STIM1: variants seen among roughly 807,000 people sequenced by gnomAD.
STIM1 encodes stromal interaction molecule 1.
STIM1 carries 25 observed loss-of-function variants against 74.7 expected under a neutral mutation model. That is an observed-to-expected ratio of 0.33 (90% CI 0.24 to 0.47). The LOEUF (loss-of-function observed/expected upper bound fraction) is 0.47. Among genes scored for constraint, STIM1 ranks in the 20% least tolerant of loss-of-function variants. The probability of loss-of-function intolerance (pLI) is 1.00; values close to 1 mark genes in which losing one functional copy is unlikely to be tolerated. For synonymous variants in STIM1, 328 were observed against 348.8 expected, an observed-to-expected ratio of 0.94 and a Z score of 0.66; for missense variants, 728 against 920.8, an observed-to-expected ratio of 0.79 and a Z score of 2.71.
At chr11:3,956,890 C>T (rs1427098629) in intron 1 of STIM1, among the ~76,000 whole-genome samples, 5 of 143,100 alleles carry the variant, frequency 3.5e-5, no homozygotes, top group East Asian at 2.1e-4. Context: ...TTAGGGAAAG[C>T]GAAGATTTAT....
intron 2 of STIM1, among the ~76,000 whole-genome samples, chr11:4,008,180 T>C (rs2093801432): frequency 6.6e-6 from 1 of 152,192 alleles, no homozygotes; most frequent in South Asian, 2.1e-4. Flanking sequence ...CACAAATACT[T>C]ACTACTGTGT....
At chr11:3,904,735 G>A (rs567736044) in intron 1 of STIM1, among the ~76,000 whole-genome samples, 1 of 152,174 alleles carries the variant, frequency 6.6e-6, no homozygotes, top group South Asian at 2.1e-4. Context: ...TAGGTGACTG[G>A]GCATTACTGT....
At chr11:4,021,300 A>G (rs890333395) in intron 2 of STIM1, among the ~76,000 whole-genome samples, 2 of 151,894 alleles carry the variant, frequency 1.3e-5, no homozygotes, top group Non-Finnish European at 2.9e-5. Flanking sequence ...TAATTTTTGT[A>G]TTTTTAGTAG....
At chr11:3,898,161 C>T (rs1421817222) in intron 1 of STIM1, among the ~76,000 whole-genome samples, 1 of 151,424 alleles carries the variant, frequency 6.6e-6, no homozygotes, top group Non-Finnish European at 1.5e-5. Flanking sequence ...TTCTCCACAT[C>T]CTCTCCAGCA....
chr11:3,958,634 T>G (rs2093247440), intron 1 of STIM1, among the ~76,000 whole-genome samples: 2 of 152,172 alleles, frequency 1.3e-5, no homozygotes, highest in Non-Finnish European at 2.9e-5. Flanking sequence ...GGGACCTTTC[T>G]TGGATAACTC....
At chr11:4,049,357 C>T (rs2094219617) in intron 3 of STIM1, among the ~76,000 whole-genome samples, 1 of 146,932 alleles carries the variant, frequency 6.8e-6, no homozygotes, top group African/African-American at 2.5e-5. Context: ...CAGGCTCTCA[C>T]TCTGTTGCCC....
chr11:4,014,845 C>A (rs1404610818), intron 2 of STIM1, among the ~76,000 whole-genome samples: 1 of 152,128 alleles, frequency 6.6e-6, no homozygotes, highest in Non-Finnish European at 1.5e-5. Flanking sequence ...GGTTTAAAGT[C>A]TGTTTTATCA....
intron 1 of STIM1, among the ~76,000 whole-genome samples, chr11:3,887,623 G>T (rs2091757400): frequency 6.6e-6 from 1 of 152,096 alleles, no homozygotes. Context: ...GCTACTTTTG[G>T]GGTATGGCTG....
At chr11:3,971,257 C>T (rs1306379233) in intron 2 of STIM1, among the ~76,000 whole-genome samples, 4 of 150,480 alleles carry the variant, frequency 2.7e-5, no homozygotes, top group South Asian at 2.1e-4. Context: ...GGGCCGGGCA[C>T]GGTGGCTCAC....
intron 1 of STIM1, among the ~76,000 whole-genome samples, chr11:3,955,789 T>G (rs1223213443): frequency 6.6e-6 from 1 of 152,056 alleles, no homozygotes; most frequent in Non-Finnish European, 1.5e-5. Flanking sequence ...TAAGTGATTC[T>G]GCTATGCAGC....
chr11:3,929,157 A>C (rs1456852732), intron 1 of STIM1, among the ~76,000 whole-genome samples: 3 of 152,220 alleles, frequency 2.0e-5, no homozygotes, highest in Non-Finnish European at 4.4e-5. Context: ...ATTCTTGTTA[A>C]ATTTTCTACA....
At chr11:3,885,751 C>T (rs901024358) in intron 1 of STIM1, among the ~76,000 whole-genome samples, 8 of 152,328 alleles carry the variant, frequency 5.3e-5, no homozygotes, top group African/African-American at 7.2e-5. Flanking sequence ...GATTCTCTCA[C>T]GTCAGCCTGC....
At chr11:3,913,743 C>T (rs1345535965) in intron 1 of STIM1, among the ~76,000 whole-genome samples, 1 of 152,196 alleles carries the variant, frequency 6.6e-6, no homozygotes, top group Non-Finnish European at 1.5e-5. Context: ...AGCACCAAAA[C>T]ATTTCTGTCA....
chr11:4,078,037 A>G (rs1026654088), intron 7 of STIM1, among the ~76,000 whole-genome samples: 7 of 152,130 alleles, frequency 4.6e-5, no homozygotes, highest in African/African-American at 1.7e-4. Context: ...CTTGATTATT[A>G]GTCATATTTT....
chr11:3,902,998 T>C (rs1422080074), intron 1 of STIM1, among the ~76,000 whole-genome samples: 1 of 152,214 alleles, frequency 6.6e-6, no homozygotes, highest in African/African-American at 2.4e-5. Context: ...TTATATATAA[T>C]TTATTAAGTT....
chr11:3,873,828 G>A (rs2091219723), intron 1 of STIM1, among the ~76,000 whole-genome samples: 1 of 152,186 alleles, frequency 6.6e-6, no homozygotes, highest in African/African-American at 2.4e-5. Flanking sequence ...AGAGCTTGGT[G>A]AGGCCTGATT....
chr11:3,884,209 AT>A (rs2091622514), intron 1 of STIM1, among the ~76,000 whole-genome samples: 1 of 152,142 alleles, frequency 6.6e-6, no homozygotes, highest in African/African-American at 2.4e-5. Context: ...ACTTAGCAAA[AT>A]TACTTAACAT....
At chr11:3,947,440 G>T (rs2093091906) in intron 1 of STIM1, 1 of 152,146 alleles carries the variant, frequency 6.6e-6, no homozygotes, top group Admixed American at 6.5e-5. Context: ...CTCCTCTCTG[G>T]AGCCAGAAAG....
intron 1 of STIM1, among the ~76,000 whole-genome samples, chr11:3,860,434 A>T (rs980840820): frequency 3.9e-5 from 6 of 152,340 alleles, no homozygotes; most frequent in African/African-American, 1.2e-4. Flanking sequence ...AGGCAGTCTG[A>T]TTCTTCTCTC....
Sources: allele counts gnomAD v4.1 joint callset (sites outside exome capture counted in the v4.1 genomes callset), GRCh38; gene constraint gnomAD v4.1.1; transcripts MANE v1.5; gene names NCBI Gene and HGNC (gene_info 2026-07-23, HGNC 2026-07-21).